DNAJC6: variants seen among roughly 807,000 people sequenced by gnomAD.
DNAJC6 encodes DnaJ heat shock protein family (Hsp40) member C6, also known as auxilin.
A neutral mutation model predicts 110.0 loss-of-function variants in DNAJC6; 34 were observed. That is an observed-to-expected ratio of 0.31 (90% CI 0.24 to 0.41). The LOEUF is 0.41. DNAJC6 is among the 10% of genes least tolerant of loss of function. The pLI is 1.00. For missense variants in DNAJC6, 1,031 were observed against 1,207.8 expected (o/e 0.85, Z 2.17); for synonymous variants, 406 against 437.2 (o/e 0.93, Z 0.89).
At chr1:65,293,318 A>G (rs1004581157) in intron 1 of DNAJC6, among the ~76,000 whole-genome samples, 3 of 151,960 alleles carry the variant, frequency 2.0e-5, no homozygotes, top group African/African-American at 7.2e-5. Flanking sequence ...AGAGCCAGAG[A>G]GACAGTGAGC....
chr1:65,391,407 G>C (rs1645924150), intron 11 of DNAJC6, among the ~76,000 whole-genome samples: 1 of 152,122 alleles, frequency 6.6e-6, no homozygotes, highest in Admixed American at 6.5e-5. Flanking sequence ...CTCAGGGAGG[G>C]CTTAGAAGGT....
At chr1:65,342,684 A>T (rs1645400013) in intron 1 of DNAJC6, among the ~76,000 whole-genome samples, 1 of 152,252 alleles carries the variant, frequency 6.6e-6, no homozygotes, top group Non-Finnish European at 1.5e-5. Flanking sequence ...ATTAAGTAAG[A>T]TAATGGACAT....
At chr1:65,372,579 A>G (rs1308212095) in intron 4 of DNAJC6, among the ~76,000 whole-genome samples, 2 of 152,180 alleles carry the variant, frequency 1.3e-5, no homozygotes, top group Non-Finnish European at 2.9e-5. Flanking sequence ...ATGTTGTGCT[A>G]CTTAATTCTG....
chr1:65,280,755 T>C (rs974810711), intron 1 of DNAJC6, among the ~76,000 whole-genome samples: 7 of 152,192 alleles, frequency 4.6e-5, no homozygotes, highest in Admixed American at 2.0e-4. Context: ...GGCAGTCTTT[T>C]CATTTTTTGG....
intron 12 of DNAJC6, among the ~76,000 whole-genome samples, chr1:65,394,424 T>G (rs995693827): frequency 2.0e-5 from 3 of 152,210 alleles, no homozygotes; most frequent in African/African-American, 7.2e-5. Flanking sequence ...TGTAACATTA[T>G]TGAAAAATCT....
At chr1:65,408,160 C>T (rs553733456) in intron 16 of DNAJC6, among the ~76,000 whole-genome samples, 101 of 152,250 alleles carry the variant, frequency 6.6e-4, no homozygotes, top group African/African-American at 2.3e-3. Context: ...CCACCATGCT[C>T]GGCTGCCTCT....
chr1:65,270,627 C>T (rs928078859), intron 1 of DNAJC6, among the ~76,000 whole-genome samples: 4 of 151,978 alleles, frequency 2.6e-5, no homozygotes, highest in Non-Finnish European at 4.4e-5. Flanking sequence ...TGTTACTGGT[C>T]GTTGATTATT....
chr1:65,410,563 CCATT>C (rs943297149), intron 17 of DNAJC6, among the ~76,000 whole-genome samples: 2 of 152,164 alleles, frequency 1.3e-5, no homozygotes, highest in Non-Finnish European at 2.9e-5. Flanking sequence ...TGTGACTAAA[CCATT>C]CATCCAGCAA....
intron 1 of DNAJC6, among the ~76,000 whole-genome samples, chr1:65,292,141 C>G (rs534946846): frequency 1.3e-5 from 2 of 152,086 alleles, no homozygotes; most frequent in South Asian, 2.1e-4. Context: ...CTCAGCCTCC[C>G]GAGTAGCTGG....
At chr1:65,283,999 T>C (rs1653933534) in intron 1 of DNAJC6, among the ~76,000 whole-genome samples, 1 of 152,150 alleles carries the variant, frequency 6.6e-6, no homozygotes, top group Non-Finnish European at 1.5e-5. Context: ...TCCATGACCT[T>C]GACCTGACTT....
chr1:65,340,162 C>A (rs1161785437), intron 1 of DNAJC6, among the ~76,000 whole-genome samples: 1 of 152,144 alleles, frequency 6.6e-6, no homozygotes, highest in East Asian at 1.9e-4. Context: ...TGTTGGTTAA[C>A]CTTATGGGTC....
In DNAJC6 at chr1:65,392,421, C is replaced by T; in HGVS notation, c.1469-10C>T. The T allele has an allele frequency of 6.3e-7, 1 of 1,580,736 alleles. No individual in the cohort carries two copies. Among genetic ancestry groups the T allele is most frequent in the Non-Finnish European group, 8.6e-7 (1 of 1,162,898 alleles). ...CAACTAATCTCTTATGGTATACTGGCCTTCCTCAGATCAGAAATCGGAGAA... is the reference window on the plus strand; with the variant it reads ...CAACTAATCTCTTATGGTATACTGGTCTTCCTCAGATCAGAAATCGGAGAA... On this transcript the variant is annotated splice_polypyrimidine_tract_variant and intron_variant, in intron 11 of 18. Coordinates refer to ENST00000371069, the MANE Select transcript of DNAJC6 (RefSeq NM_001256864.2).
intron 1 of DNAJC6, among the ~76,000 whole-genome samples, chr1:65,281,168 G>A (rs762127444): frequency 3.9e-5 from 6 of 152,020 alleles, no homozygotes; most frequent in Non-Finnish European, 8.8e-5. Context: ...CTCAAGTGAT[G>A]TGCCCACCTT....
intron 4 of DNAJC6, among the ~76,000 whole-genome samples, chr1:65,372,193 G>A (rs1645713872): frequency 6.7e-6 from 1 of 149,248 alleles, no homozygotes; most frequent in Admixed American, 6.7e-5. Flanking sequence ...GTGTGTCATA[G>A]CCAGTTTTTA....
chr1:65,275,713 C>A (rs1653646599), intron 1 of DNAJC6, among the ~76,000 whole-genome samples: 1 of 151,702 alleles, frequency 6.6e-6, no homozygotes, highest in Admixed American at 6.6e-5. Flanking sequence ...ACTTTTTACC[C>A]TGTCCCATAT....
intron 4 of DNAJC6, among the ~76,000 whole-genome samples, chr1:65,378,719 G>C (rs746437641): frequency 1.9e-4 from 29 of 152,220 alleles, no homozygotes; most frequent in Non-Finnish European, 3.8e-4. Context: ...TGCTGACGCT[G>C]AGCAGCAGTG....
intron 9 of DNAJC6, 137 bp downstream of exon 9, chr1:65,388,552 G>T: frequency 1.3e-6 from 1 of 750,156 alleles, no homozygotes; most frequent in Non-Finnish European, 2.3e-6. Context: ...GCACAGAGAG[G>T]CTGTGGGCAT....
chr1:65,265,675 G>A (rs978945630), intron 1 of DNAJC6, among the ~76,000 whole-genome samples: 4 of 152,224 alleles, frequency 2.6e-5, no homozygotes, highest in African/African-American at 7.2e-5. Context: ...AAATTCGGAG[G>A]CTCCTTAAAT....
chr1:65,327,452 G>C (rs1420765874), intron 1 of DNAJC6, among the ~76,000 whole-genome samples: 1 of 152,166 alleles, frequency 6.6e-6, no homozygotes, highest in Non-Finnish European at 1.5e-5. Context: ...AAGGTCAAAA[G>C]TGACTTAGAG....
Sources: allele counts gnomAD v4.1 joint callset (sites outside exome capture counted in the v4.1 genomes callset), GRCh38; gene constraint gnomAD v4.1.1; transcripts MANE v1.5; gene names NCBI Gene and HGNC (gene_info 2026-07-23, HGNC 2026-07-21).